Variants in RALGAPA2 observed in about 807,000 individuals in gnomAD.
RALGAPA2 encodes the protein ral GTPase-activating protein subunit alpha-2.
In RALGAPA2, 139 loss-of-function variants were observed where a neutral mutation model predicts 230.4. The observed-to-expected ratio is 0.60, with a 90% CI of 0.53 to 0.69. The LOEUF (loss-of-function observed/expected upper bound fraction) is 0.69, where lower values mean the gene tolerates loss of function less well. Ranked by LOEUF, RALGAPA2 falls within the 30% of genes least tolerant of loss-of-function variation. The pLI is 0.00. For synonymous variants in RALGAPA2, 847 were observed against 837.8 expected, an observed-to-expected ratio of 1.01 and a Z score of -0.19; for missense variants, 2,163 against 2,276.0, an observed-to-expected ratio of 0.95 and a Z score of 1.01.
At chr20:20,426,459 G>A (rs1419819810) in intron 37 of RALGAPA2, among the ~76,000 whole-genome samples, 3 of 152,142 alleles carry the variant, frequency 2.0e-5, no homozygotes, top group Non-Finnish European at 2.9e-5. Context: ...GAAGGTCTAC[G>A]TGTTTGAGTG....
intron 1 of RALGAPA2, among the ~76,000 whole-genome samples, chr20:20,686,676 G>A (rs73296999): frequency 0.011 from 1,692 of 152,240 alleles, 30 homozygotes; most frequent in African/African-American, 0.039. Context: ...CTTTGCTCCT[G>A]GCAAAGGTCA....
intron 38 of RALGAPA2, among the ~76,000 whole-genome samples, chr20:20,411,543 G>A (rs767522295): frequency 1.8e-4 from 27 of 152,150 alleles, no homozygotes; most frequent in Non-Finnish European, 3.2e-4. Context: ...AGAGAGACAC[G>A]CACACTGCAC....
At chr20:20,417,463 C>A (rs1055032043) in intron 37 of RALGAPA2, among the ~76,000 whole-genome samples, 1 of 152,202 alleles carries the variant, frequency 6.6e-6, no homozygotes, top group African/African-American at 2.4e-5. Flanking sequence ...GGCTACATGG[C>A]CTCTTCCTAT....
intron 24 of RALGAPA2, among the ~76,000 whole-genome samples, chr20:20,541,912 T>C (rs2063652802): frequency 6.6e-6 from 1 of 152,226 alleles, no homozygotes; most frequent in African/African-American, 2.4e-5. Context: ...TTGGAAGTTC[T>C]GGCCAGGGCA....
At chr20:20,703,332 A>G (rs1302554877) in intron 1 of RALGAPA2, among the ~76,000 whole-genome samples, 1 of 152,216 alleles carries the variant, frequency 6.6e-6, no homozygotes, top group Non-Finnish European at 1.5e-5. Context: ...CAAATCTACT[A>G]AGAATCTATA....
intron 37 of RALGAPA2, among the ~76,000 whole-genome samples, chr20:20,443,840 A>G (rs748617253): frequency 2.0e-5 from 3 of 152,222 alleles, no homozygotes; most frequent in Non-Finnish European, 4.4e-5. Flanking sequence ...CCCCTCTCAG[A>G]TCTGGAAGAA....
chr20:20,513,096 T>A lies in RALGAPA2; in HGVS notation c.4273A>T (p.Asn1425Tyr). ...ELSFEVFRSP[N>Y]LQLFVFNDST... is the part of the protein sequence containing the mutation. ...TCATTAAATACAAACAGCTGCAGGT[T>A]TGGACTTCTGAACACCTCAAAGGAC... The change falls in exon 32 of 40, where the codon AAC becomes TAC. Residue 1425 changes from asparagine to tyrosine, a missense_variant. Transcript: ENST00000202677. 6.3e-7 allele frequency: 1 copy of A among 1,598,646 alleles called. No individual in the cohort carries two copies. The highest frequency in any genetic ancestry group is 8.5e-7 in the Non-Finnish European group (1 of 1,173,410).
At chr20:20,658,286 G>A (rs1223815155) in intron 3 of RALGAPA2, among the ~76,000 whole-genome samples, 3 of 152,164 alleles carry the variant, frequency 2.0e-5, no homozygotes, top group African/African-American at 7.2e-5. Flanking sequence ...AATATTGCAA[G>A]AGCCATTGTT....
rs117850162 is a variant in RALGAPA2, at chr20:20,438,194, G to T, written c.5496-26046C>A. 3.0e-4 allele frequency among the ~76,000 whole-genome samples: 45 copies of T among 152,318 alleles called. No individual in the cohort carries two copies. The East Asian group carries it at 8.5e-3, about 29-fold the overall frequency. ...GATACTACCTGTGACTGTGTCACCA[G>T]TAGAAATCAGATATTTTCATGACGC... On this transcript the variant is annotated intron_variant, in intron 37 of 39. Transcript: ENST00000202677.
intron 18 of RALGAPA2, among the ~76,000 whole-genome samples, chr20:20,587,125 A>G (rs1047809774): frequency 6.6e-6 from 1 of 152,206 alleles, no homozygotes; most frequent in Non-Finnish European, 1.5e-5. Context: ...CTGCACCTAA[A>G]TATACTATAG....
intron 16 of RALGAPA2, 141 bp downstream of exon 16, chr20:20,601,541 A>C: frequency 1.3e-6 from 1 of 769,054 alleles, no homozygotes; most frequent in Non-Finnish European, 1.9e-6. Context: ...CAGAGCATAA[A>C]GCTAAAAAGA....
chr20:20,627,949 G>A (rs546854027), intron 10 of RALGAPA2, among the ~76,000 whole-genome samples: 1 of 152,218 alleles, frequency 6.6e-6, no homozygotes, highest in African/African-American at 2.4e-5. Flanking sequence ...CCTGAATCTT[G>A]GTTAACACCT....
intron 39 of RALGAPA2, among the ~76,000 whole-genome samples, chr20:20,396,188 C>A (rs904828942): frequency 6.6e-6 from 1 of 152,264 alleles, no homozygotes; most frequent in African/African-American, 2.4e-5. Context: ...CCTCTGCGCT[C>A]CCGCAGCTTT....
At chr20:20,452,009 A>C (rs2060998704) in intron 37 of RALGAPA2, among the ~76,000 whole-genome samples, 1 of 152,234 alleles carries the variant, frequency 6.6e-6, no homozygotes, top group Non-Finnish European at 1.5e-5. Flanking sequence ...TTAAAAGAGA[A>C]AGTTAACTTC....
intron 12 of RALGAPA2, among the ~76,000 whole-genome samples, chr20:20,618,884 T>A (rs1416325102): frequency 6.6e-6 from 1 of 152,236 alleles, no homozygotes; most frequent in Non-Finnish European, 1.5e-5. Context: ...CAGCCAATTT[T>A]AAGAGGAATA....
chr20:20,594,253 G>A (rs1409163858), intron 16 of RALGAPA2, among the ~76,000 whole-genome samples: 2 of 152,010 alleles, frequency 1.3e-5, no homozygotes, highest in Admixed American at 6.6e-5. Context: ...TACATGTTTT[G>A]TATAAATGAA....
chr20:20,574,400 AAT>A (rs2064753274), intron 20 of RALGAPA2, among the ~76,000 whole-genome samples: 1 of 152,222 alleles, frequency 6.6e-6, no homozygotes, highest in Non-Finnish European at 1.5e-5. Flanking sequence ...CATTGAAACA[AAT>A]AGTTAATGAA....
chr20:20,408,016 T>C (rs2059981511), intron 38 of RALGAPA2, among the ~76,000 whole-genome samples: 1 of 152,230 alleles, frequency 6.6e-6, no homozygotes. Context: ...AGGAAGTATT[T>C]CTGACCATAT....
chr20:20,676,127 A>G (rs1356736109), intron 3 of RALGAPA2, 109 bp downstream of exon 3: 3 of 695,282 alleles, frequency 4.3e-6, no homozygotes, highest in East Asian at 6.0e-5. Context: ...AGAAAAAAAT[A>G]TATGTCCACC....
Sources: allele counts gnomAD v4.1 joint callset (sites outside exome capture counted in the v4.1 genomes callset), GRCh38; gene constraint gnomAD v4.1.1; transcripts MANE v1.5; gene names NCBI Gene and HGNC (gene_info 2026-07-23, HGNC 2026-07-21).